Variants in FGF14 observed in about 807,000 individuals in gnomAD.
FGF14 encodes the protein fibroblast growth factor 14, also known as fibroblast growth factor homologous factor 4.
A neutral mutation model predicts 25.5 loss-of-function variants in FGF14; 5 were observed. The observed-to-expected ratio is 0.20, with a 90% CI of 0.10 to 0.41. The LOEUF (loss-of-function observed/expected upper bound fraction) is 0.41. Ranked by LOEUF, FGF14 falls within the 10% of genes least tolerant of loss-of-function variation. The probability of loss-of-function intolerance (pLI) is 1.00; values close to 1 mark genes in which losing one functional copy is unlikely to be tolerated. For missense variants in FGF14, 222 were observed against 320.1 expected (o/e 0.69, Z 2.34); for synonymous variants, 138 against 118.3 (o/e 1.17, Z -1.08).
intron 1 of FGF14, among the ~76,000 whole-genome samples, chr13:101,915,776 C>T (rs543495232): frequency 4.7e-4 from 72 of 152,318 alleles, no homozygotes; most frequent in South Asian, 2.3e-3. Flanking sequence ...TTCTGCCCCC[C>T]GCTCCCCGCA....
At chr13:102,036,991 T>G (rs1054772393) in intron 1 of FGF14, among the ~76,000 whole-genome samples, 1 of 152,092 alleles carries the variant, frequency 6.6e-6, no homozygotes, top group African/African-American at 2.4e-5. Context: ...ATTTTCAGAG[T>G]GGCATCCTTT....
At chr13:101,960,179 TTAAA>T (rs1392021790) in intron 1 of FGF14, among the ~76,000 whole-genome samples, 3 of 152,226 alleles carry the variant, frequency 2.0e-5, no homozygotes, top group African/African-American at 7.2e-5. Flanking sequence ...AGAATTTTCT[TTAAA>T]TAAATGTTTA....
chr13:101,987,659 GCA>G (rs1406081997), intron 1 of FGF14, among the ~76,000 whole-genome samples: 3 of 151,682 alleles, frequency 2.0e-5, no homozygotes, highest in Non-Finnish European at 4.4e-5. Context: ...CTTTTGTTTT[GCA>G]CAGTTATCTT....
At chr13:102,155,524 G>A (rs2140527927) in intron 1 of FGF14, among the ~76,000 whole-genome samples, 1 of 152,274 alleles carries the variant, frequency 6.6e-6, no homozygotes, top group Non-Finnish European at 1.5e-5. Context: ...TGTGTAGAGG[G>A]AAATTTATAG....
At chr13:101,735,830 G>A (rs1485140219) in intron 3 of FGF14, among the ~76,000 whole-genome samples, 2 of 152,300 alleles carry the variant, frequency 1.3e-5, no homozygotes, top group Admixed American at 1.3e-4. Context: ...TCTTGGGCAT[G>A]TGTAGGGTAA....
intron 1 of FGF14, among the ~76,000 whole-genome samples, chr13:102,161,679 G>GTACCCC (rs1566765686): frequency 0.043 from 2,612 of 60,822 alleles, 194 homozygotes; most frequent in African/African-American, 0.08. Flanking sequence ...AGAAGAAGAA[G>GTACCCC]AAGAAGAAGA....
chr13:102,083,368 C>T (rs2043730075), intron 1 of FGF14, among the ~76,000 whole-genome samples: 2 of 152,032 alleles, frequency 1.3e-5, no homozygotes, highest in Admixed American at 6.6e-5. Flanking sequence ...AGATTTCTTT[C>T]TAAGAGGGCT....
intron 1 of FGF14, among the ~76,000 whole-genome samples, chr13:102,326,611 A>AGGAAGGAG (rs1178632081): frequency 2.0e-4 from 29 of 143,538 alleles, no homozygotes; most frequent in South Asian, 5.0e-4. Context: ...TCAAAAAGGA[A>AGGAAGGAG]GGAAGGAGGG....
At chr13:101,979,948 T>G (rs2038147700) in intron 1 of FGF14, among the ~76,000 whole-genome samples, 1 of 152,156 alleles carries the variant, frequency 6.6e-6, no homozygotes, top group Admixed American at 6.5e-5. Flanking sequence ...AAATTGCCAG[T>G]CAACACTAAA....
chr13:102,072,188 G>T (rs1354460869), intron 1 of FGF14, among the ~76,000 whole-genome samples: 1 of 152,134 alleles, frequency 6.6e-6, no homozygotes, highest in Non-Finnish European at 1.5e-5. Context: ...GAGATAGAAG[G>T]GGGAGAGAAG....
chr13:102,052,241 T>G (rs923275785), intron 1 of FGF14, among the ~76,000 whole-genome samples: 20 of 152,044 alleles, frequency 1.3e-4, no homozygotes, highest in African/African-American at 4.8e-4. Flanking sequence ...TAAAGGAAGC[T>G]TACAGGATTC....
In FGF14 at chr13:102,343,718, T is replaced by C. The variant is rs1380052436; in HGVS notation, c.208+57753A>G. 2.0e-5 allele frequency among the ~76,000 whole-genome samples: 3 copies of C among 152,222 alleles called. No individual in the cohort carries two copies. In the East Asian group the frequency reaches 5.8e-4, roughly 29 times the overall value. ...ACTAAACATAGCTCTCACATTCATA[T>C]TGCCTCTTTAGAAGCATAGCAGAAT... On this transcript the variant is annotated intron_variant, in intron 1 of 4. Coordinates refer to the FGF14 transcript ENST00000376131.
At chr13:101,879,729 C>T (rs1014734642) in intron 1 of FGF14, among the ~76,000 whole-genome samples, 5 of 150,284 alleles carry the variant, frequency 3.3e-5, no homozygotes, top group South Asian at 2.1e-4. Flanking sequence ...GGTTCTTAAA[C>T]GTAAGTTCTC....
chr13:102,162,505 G>C (rs901270819), intron 1 of FGF14, among the ~76,000 whole-genome samples: 36 of 152,064 alleles, frequency 2.4e-4, no homozygotes, highest in African/African-American at 8.7e-4. Context: ...CTTACAAATA[G>C]GCACTTTGCA....
intron 1 of FGF14, among the ~76,000 whole-genome samples, chr13:102,022,697 G>A (rs1311121441): frequency 3.3e-5 from 5 of 151,986 alleles, no homozygotes; most frequent in Admixed American, 6.6e-5. Flanking sequence ...AAAATGTTAA[G>A]GATTGTATCA....
At chr13:102,109,004 C>T (rs2045076878) in intron 1 of FGF14, among the ~76,000 whole-genome samples, 1 of 151,982 alleles carries the variant, frequency 6.6e-6, no homozygotes. Context: ...TCATGATGGT[C>T]ATGAATCCCT....
At chr13:101,990,501 C>T (rs1322695) in intron 1 of FGF14, among the ~76,000 whole-genome samples, 43,639 of 151,904 alleles carry the variant, frequency 0.29, 7,001 homozygotes, top group East Asian at 0.7. Flanking sequence ...ATATCTATGT[C>T]CAATTACATA....
In FGF14 at chr13:101,795,872, TATTCTATTAAGCATAGAAATAGCTC is replaced by T. The variant is rs1181400604; in HGVS notation, c.409-69087_409-69063del. Among the ~76,000 whole-genome samples, 3 of 152,164 alleles carry T rather than the reference TATTCTATTAAGCATAGAAATAGCTC, an allele frequency of 2.0e-5. No homozygotes were observed. In the East Asian group the frequency reaches 5.8e-4, roughly 29 times the overall value. ...GCTACATGCAGAAATCATTAGACAG[TATTCTATTAAGCATAGAAATAGCTC>T]TGTAATCTTGTGTGTTTTCTCTGAA... On this transcript the variant is annotated intron_variant, in intron 3 of 4. Transcript: ENST00000376143.
intron 1 of FGF14, among the ~76,000 whole-genome samples, chr13:102,060,954 G>A (rs1249239934): frequency 1.3e-5 from 2 of 152,176 alleles, no homozygotes; most frequent in African/African-American, 4.8e-5. Flanking sequence ...CACCAACAGA[G>A]GCCAGCAGGT....
Sources: gnomAD v4.1 joint callset for allele counts (sites outside exome capture counted in the v4.1 genomes callset) on GRCh38, gnomAD v4.1.1 for gene constraint, MANE v1.5 for transcripts, NCBI Gene and HGNC (gene_info 2026-07-23, HGNC 2026-07-21) for gene names.